Variants in ADCY2 observed in about 807,000 individuals in gnomAD.
The protein encoded by ADCY2 is adenylate cyclase 2.
Under a neutral mutation model 125.2 loss-of-function variants are expected in ADCY2, and 31 were observed. That is an observed-to-expected ratio of 0.25 (90% CI 0.19 to 0.33). The LOEUF (loss-of-function observed/expected upper bound fraction) is 0.33, where lower values mean the gene tolerates loss of function less well. Among genes scored for constraint, ADCY2 ranks in the 10% least tolerant of loss-of-function variants. ADCY2 has a pLI of 1.00. For missense variants in ADCY2, 904 were observed against 1,418.2 expected, an observed-to-expected ratio of 0.64 and a Z score of 5.82; for synonymous variants, 512 against 548.4, an observed-to-expected ratio of 0.93 and a Z score of 0.93.
intron 3 of ADCY2, among the ~76,000 whole-genome samples, chr5:7,567,386 A>G (rs1735928543): frequency 6.6e-6 from 1 of 152,184 alleles, no homozygotes; most frequent in Non-Finnish European, 1.5e-5. Context: ...CCCTAAAATG[A>G]TAAGTTAAAA....
intron 3 of ADCY2, among the ~76,000 whole-genome samples, chr5:7,602,792 G>T (rs932204126): frequency 1.3e-5 from 2 of 152,166 alleles, no homozygotes; most frequent in Non-Finnish European, 2.9e-5. Context: ...GTATCCTACA[G>T]CATAGGCAAG....
rs143726725 is a variant in ADCY2 at position 7,509,332 on chromosome 5, G to A, written c.409-11406G>A. Among the ~76,000 whole-genome samples the A allele has an allele frequency of 7.3e-3, 1,106 of 152,292 alleles. 18 individuals carry two copies. Among genetic ancestry groups the A allele is most frequent in the African/African-American group, 0.025 (1,039 of 41,574 alleles). On this transcript the variant is annotated intron_variant, in intron 2 of 24. Coordinates refer to ENST00000338316, the MANE Select transcript of ADCY2 (RefSeq NM_020546.3). ...AATCAGGATTAGGAGAAGAGGAGGA[G>A]AAATGGGGTCAGAATCCACAGCCAC...
intron 2 of ADCY2, among the ~76,000 whole-genome samples, chr5:7,423,858 C>T (rs950644732): frequency 2.0e-5 from 3 of 152,170 alleles, no homozygotes; most frequent in South Asian, 4.2e-4. Context: ...GGAGCATGGG[C>T]TCCGGTACTG....
chr5:7,428,466 C>T (rs1241433014), intron 2 of ADCY2, among the ~76,000 whole-genome samples: 1 of 152,174 alleles, frequency 6.6e-6, no homozygotes, highest in Non-Finnish European at 1.5e-5. Flanking sequence ...TTAAGTTCAG[C>T]TTCCATTTTA....
chr5:7,663,300 A>G (rs1209516692), intron 4 of ADCY2, among the ~76,000 whole-genome samples: 3 of 152,348 alleles, frequency 2.0e-5, no homozygotes, highest in South Asian at 2.1e-4. Context: ...TAAAGCATAA[A>G]TGGCCCAGTG....
intron 3 of ADCY2, among the ~76,000 whole-genome samples, chr5:7,612,383 C>T (rs749581084): frequency 5.4e-4 from 82 of 152,190 alleles, no homozygotes; most frequent in Non-Finnish European, 9.4e-4. Flanking sequence ...TTCCCAGAAG[C>T]AGGCCCTGAG....
intron 16 of ADCY2, among the ~76,000 whole-genome samples, chr5:7,765,504 A>G (rs551473273): frequency 6.6e-6 from 1 of 152,312 alleles, no homozygotes; most frequent in African/African-American, 2.4e-5. Flanking sequence ...CATTTTGCCA[A>G]ATTTAGTCAA....
chr5:7,500,509 G>T (rs1467386847), intron 2 of ADCY2, among the ~76,000 whole-genome samples: 1 of 152,172 alleles, frequency 6.6e-6, no homozygotes, highest in African/African-American at 2.4e-5. Flanking sequence ...GTGTCCCCGT[G>T]CTATGATGTG....
At chr5:7,484,943 C>T (rs1742869632) in intron 2 of ADCY2, among the ~76,000 whole-genome samples, 1 of 152,148 alleles carries the variant, frequency 6.6e-6, no homozygotes, top group Non-Finnish European at 1.5e-5. Context: ...GTCTGTGCTC[C>T]TTGGTCCCAG....
intron 2 of ADCY2, among the ~76,000 whole-genome samples, chr5:7,506,954 A>C (rs1287957192): frequency 1.3e-5 from 2 of 150,150 alleles, no homozygotes; most frequent in African/African-American, 4.9e-5. Context: ...TGCCCGGCTA[A>C]TTTTTTGTAT....
intron 4 of ADCY2, among the ~76,000 whole-genome samples, chr5:7,629,612 G>A (rs767390361): frequency 1.3e-5 from 2 of 152,166 alleles, no homozygotes; most frequent in Non-Finnish European, 2.9e-5. Flanking sequence ...TACAAGGTAG[G>A]GAAAAGAATG....
At chr5:7,576,790 C>CT (rs1449931581) in intron 3 of ADCY2, among the ~76,000 whole-genome samples, 1 of 152,160 alleles carries the variant, frequency 6.6e-6, no homozygotes, top group Admixed American at 6.5e-5. Flanking sequence ...ACCAACACCA[C>CT]TGTTAAGAGC....
chr5:7,401,867 G>A (rs190811934), intron 1 of ADCY2, among the ~76,000 whole-genome samples: 4 of 152,344 alleles, frequency 2.6e-5, no homozygotes, highest in African/African-American at 9.6e-5. Context: ...TCAGTGACAG[G>A]AGAGTCTGAG....
chr5:7,557,191 T>TATATATATA (rs1735549613), intron 3 of ADCY2, among the ~76,000 whole-genome samples: 1 of 81,046 alleles, frequency 1.2e-5, no homozygotes, highest in Admixed American at 1.1e-4. Flanking sequence ...ATTATATATG[T>TATATATATA]GATATATATA....
Position 7,613,634 on chromosome 5 carries a change from G to A in ADCY2, c.571-12533G>A, listed in dbSNP as rs913348714. Reference sequence around the variant, plus strand: ...TTTCTTGGCGTTTCATCTCATAGGCGTGACTGACTGAATCATCATCTATGT... The same window carrying A: ...TTTCTTGGCGTTTCATCTCATAGGCATGACTGACTGAATCATCATCTATGT... On this transcript the variant is annotated intron_variant, in intron 3 of 24. Transcript: ENST00000338316. 5.9e-5 allele frequency among the ~76,000 whole-genome samples: 9 copies of A among 152,186 alleles called. No individual in the cohort carries two copies. The South Asian group carries it at 1.2e-3, about 21-fold the overall frequency.
At chr5:7,737,313 A>T (rs1742278585) in intron 14 of ADCY2, among the ~76,000 whole-genome samples, 1 of 152,210 alleles carries the variant, frequency 6.6e-6, no homozygotes, top group Admixed American at 6.5e-5. Context: ...AGGAAACAGG[A>T]TAGAGGTGTT....
intron 4 of ADCY2, among the ~76,000 whole-genome samples, chr5:7,652,019 G>C (rs768017835): frequency 3.9e-5 from 6 of 152,040 alleles, no homozygotes; most frequent in Non-Finnish European, 8.8e-5. Flanking sequence ...GACCAGGATG[G>C]CCTCTATTTC....
At chr5:7,431,715 C>A (rs1227495526) in intron 2 of ADCY2, among the ~76,000 whole-genome samples, 3 of 152,102 alleles carry the variant, frequency 2.0e-5, no homozygotes, top group African/African-American at 7.2e-5. Context: ...ATATATAGAG[C>A]AGACTGACAA....
chr5:7,425,868 A>T (rs17227580), intron 2 of ADCY2, among the ~76,000 whole-genome samples: 29,781 of 152,146 alleles, frequency 0.2, 3,913 homozygotes, highest in Non-Finnish European at 0.29. Flanking sequence ...TGTGTTTCCC[A>T]TTGGAACTGT....
Sources: gnomAD v4.1 joint callset for allele counts (sites outside exome capture counted in the v4.1 genomes callset) on GRCh38, gnomAD v4.1.1 for gene constraint, MANE v1.5 for transcripts, NCBI Gene and HGNC (gene_info 2026-07-23, HGNC 2026-07-21) for gene names.